ST18: variants seen among roughly 807,000 people sequenced by gnomAD.
The protein encoded by ST18 is suppression of tumorigenicity 18 protein.
A neutral mutation model predicts 110.0 loss-of-function variants in ST18; 50 were observed. The ratio of observed to expected loss-of-function variants is 0.45; its 90% CI spans 0.36 to 0.58. The LOEUF (loss-of-function observed/expected upper bound fraction) is 0.58, where lower values mean the gene tolerates loss of function less well. ST18 is among the 20% of genes least tolerant of loss of function. The pLI, the probability that ST18 is intolerant of heterozygous loss-of-function variation, is 0.00. For synonymous variants in ST18, 461 were observed against 452.4 expected, an observed-to-expected ratio of 1.02 and a Z score of -0.24; for missense variants, 1,306 against 1,280.1, an observed-to-expected ratio of 1.02 and a Z score of -0.31.
intron 2 of ST18, among the ~76,000 whole-genome samples, chr8:52,372,354 A>G (rs952581881): frequency 2.6e-5 from 4 of 152,256 alleles, no homozygotes; most frequent in Admixed American, 6.5e-5. Flanking sequence ...AAAGCTGAAA[A>G]AAAGTTAAAA....
chr8:52,124,873 C>T (rs1168470993), intron 23 of ST18, among the ~76,000 whole-genome samples: 1 of 141,210 alleles, frequency 7.1e-6, no homozygotes, highest in African/African-American at 2.9e-5. Context: ...CTTTCCCTCC[C>T]TTGGATACTG....
intron 2 of ST18, among the ~76,000 whole-genome samples, chr8:52,315,351 C>T (rs2096004755): frequency 1.3e-5 from 2 of 152,110 alleles, no homozygotes; most frequent in South Asian, 4.2e-4. Context: ...CCTCATTGAC[C>T]CATCAACCTG....
At chr8:52,146,531 G>A (rs2057336423) in intron 16 of ST18, among the ~76,000 whole-genome samples, 3 of 151,380 alleles carry the variant, frequency 2.0e-5, no homozygotes, top group African/African-American at 7.3e-5. Context: ...ATATGACCAG[G>A]AGCAACAACT....
intron 2 of ST18, among the ~76,000 whole-genome samples, chr8:52,320,985 TA>T (rs1803648399): frequency 6.6e-6 from 1 of 152,234 alleles, no homozygotes; most frequent in East Asian, 1.9e-4. Context: ...TTGGCTAACT[TA>T]CCTTTGACAT....
Position 52,142,960 on chromosome 8 carries a change from T to C in ST18, c.2138A>G (p.His713Arg). The stretch of plus-strand genomic sequence containing the variant: ...TAGTTCCTTTTTGAGATCTCTTGCA[T>C]GAAGCTTGGGTTTAGGGCTTGGTAT... Reference protein sequence around the residue: ...ASIPSPKPKLHARDLKKELIT... With the variant: ...ASIPSPKPKLRARDLKKELIT... The change falls in exon 17 of 26, where the codon CAT (histidine) becomes CGT (arginine). Residue 713 changes from histidine to arginine, a missense_variant. Transcript: ENST00000689386. 1 of 1,614,120 alleles carries C rather than the reference T, an allele frequency of 6.2e-7. No homozygotes were observed. Among genetic ancestry groups the C allele is most frequent in the Non-Finnish European group, 8.5e-7 (1 of 1,179,968 alleles).
intron 16 of ST18, among the ~76,000 whole-genome samples, chr8:52,147,040 A>G (rs1034305387): frequency 3.9e-5 from 6 of 152,210 alleles, no homozygotes; most frequent in African/African-American, 1.4e-4. Flanking sequence ...TCTTAGTGAC[A>G]CTGAATTCCC....
intron 2 of ST18, among the ~76,000 whole-genome samples, chr8:52,289,603 G>A (rs2095523183): frequency 6.6e-6 from 1 of 152,144 alleles, no homozygotes; most frequent in African/African-American, 2.4e-5. Context: ...CACACTGCTA[G>A]CAGGCCTGCT....
intron 8 of ST18, among the ~76,000 whole-genome samples, chr8:52,208,124 T>G (rs1012320608): frequency 6.6e-6 from 1 of 152,236 alleles, no homozygotes; most frequent in Non-Finnish European, 1.5e-5. Context: ...AATAAGAAGA[T>G]GAGAATGTCA....
At chr8:52,127,793 T>A (rs1358678364) in intron 22 of ST18, among the ~76,000 whole-genome samples, 1 of 148,094 alleles carries the variant, frequency 6.8e-6, no homozygotes, top group Non-Finnish European at 1.5e-5. Context: ...TCTTCCAGGA[T>A]GTAAAATGAA....
At chr8:52,147,035 G>A (rs1156955188) in intron 16 of ST18, among the ~76,000 whole-genome samples, 5 of 152,184 alleles carry the variant, frequency 3.3e-5, no homozygotes, top group African/African-American at 1.2e-4. Flanking sequence ...GATACTCTTA[G>A]TGACACTGAA....
rs1393833850 is a variant in ST18, at chr8:52,126,069, T to C, written c.2738A>G (p.Lys913Arg). 6.8e-6 allele frequency: 11 copies of C among 1,614,008 alleles called. No individual in the cohort carries two copies. The highest frequency in any genetic ancestry group is 9.3e-6 in the Non-Finnish European group (11 of 1,180,008). ...GCTCTTACCCCCAGTTGCTTTGAGC[T>C]TGATGGTCATGAGTTCTTCAGAAAC... ...GKVSEELMTI[K>R]LKATGGIESD... Residue 913 changes from lysine (K) to arginine (R), a missense_variant, in exon 23 of 26, where the codon AAG becomes AGG. Lys to Arg is a conservative substitution (Grantham distance 26). Coordinates refer to ENST00000689386, the MANE Select transcript of ST18 (RefSeq NM_001352837.2).
chr8:52,136,770 G>A, intron 18 of ST18, 112 bp from the exon 19 acceptor site: 7 of 885,734 alleles, frequency 7.9e-6, no homozygotes, highest in Admixed American at 3.0e-5. Flanking sequence ...TGGGGATTGG[G>A]AAAAAAAAAT....
intron 17 of ST18, among the ~76,000 whole-genome samples, chr8:52,140,996 T>C (rs1333627857): frequency 6.6e-6 from 1 of 151,330 alleles, no homozygotes; most frequent in Non-Finnish European, 1.5e-5. Flanking sequence ...TTCTAAGAAG[T>C]TAGAAGTGAC....
intron 2 of ST18, among the ~76,000 whole-genome samples, chr8:52,267,231 A>G (rs59128118): frequency 0.056 from 8,547 of 151,986 alleles, 813 homozygotes; most frequent in African/African-American, 0.2. Context: ...ATGAGAGGCC[A>G]TACTTTAGGG....
intron 2 of ST18, among the ~76,000 whole-genome samples, chr8:52,359,629 G>A (rs1824792715): frequency 6.6e-6 from 1 of 152,082 alleles, no homozygotes; most frequent in Non-Finnish European, 1.5e-5. Context: ...AGCACAGAGA[G>A]ATAAAATGAT....
chr8:52,348,490 C>A (rs539848337), intron 2 of ST18, among the ~76,000 whole-genome samples: 1 of 152,216 alleles, frequency 6.6e-6, no homozygotes, highest in Non-Finnish European at 1.5e-5. Flanking sequence ...CGGTGGCTCA[C>A]GCCTGTAATC....
Position 52,132,237 on chromosome 8 carries a change from C to T in ST18, c.2445-58G>A, listed in dbSNP as rs1447462408. ...AAGAAGGCAGTGATAGTCCTATGCT[C>T]TCCAGAGAACAAACCATGCAATTAT... On this transcript the variant is annotated intron_variant, in intron 21 of 25. Transcript: ENST00000689386. The T allele has an allele frequency of 5.0e-6, 7 of 1,406,024 alleles. No individual in the cohort carries two copies. In the East Asian group the frequency reaches 1.4e-4, roughly 28 times the overall value. The allele number at this position is 1,406,024 out of a possible 1,614,324, so 87.1% of individuals were successfully genotyped here. A position where few individuals can be genotyped will look rare whatever the true frequency, so the allele number is the denominator to read the frequency against.
intron 5 of ST18, among the ~76,000 whole-genome samples, chr8:52,218,545 GC>G: frequency 6.9e-6 from 1 of 145,684 alleles, no homozygotes; most frequent in Non-Finnish European, 1.5e-5. Flanking sequence ...GTGTCACCAT[GC>G]CTGGCTAATT....
intron 22 of ST18, among the ~76,000 whole-genome samples, chr8:52,129,683 G>T (rs1387060754): frequency 1.3e-5 from 2 of 152,056 alleles, no homozygotes; most frequent in Admixed American, 6.6e-5. Context: ...GAGAACTTTC[G>T]AGTCAAGAAT....
Sources: gnomAD v4.1 joint callset for allele counts (sites outside exome capture counted in the v4.1 genomes callset) on GRCh38, gnomAD v4.1.1 for gene constraint, MANE v1.5 for transcripts, NCBI Gene and HGNC (gene_info 2026-07-23, HGNC 2026-07-21) for gene names.